Variants in PALM2AKAP2 observed in about 807,000 individuals in gnomAD.
PALM2AKAP2 encodes PALM2-AKAP2 fusion protein.
Under a neutral mutation model 71.5 loss-of-function variants are expected in PALM2AKAP2, and 37 were observed. The observed-to-expected ratio is 0.52, with a 90% CI of 0.40 to 0.68. The LOEUF is 0.68. PALM2AKAP2 is among the 30% of genes least tolerant of loss of function. The pLI is 0.00. For missense variants in PALM2AKAP2, 1,224 were observed against 1,191.8 expected (o/e 1.03, Z -0.40); for synonymous variants, 468 against 478.8 (o/e 0.98, Z 0.29).
intron 1 of PALM2AKAP2, among the ~76,000 whole-genome samples, chr9:109,711,855 CCATTTCTTT>C (rs1474800010): frequency 6.6e-6 from 1 of 152,210 alleles, no homozygotes; most frequent in Non-Finnish European, 1.5e-5. Flanking sequence ...CTGGGATCTT[CCATTTCTTT>C]CAGAGCAGGA....
At chr9:109,884,878 A>T (rs1392455818) in intron 3 of PALM2AKAP2, among the ~76,000 whole-genome samples, 1 of 152,246 alleles carries the variant, frequency 6.6e-6, no homozygotes, top group Non-Finnish European at 1.5e-5. Context: ...TAACCAAAGA[A>T]CAAGGAACAT....
chr9:109,861,503 T>C (rs996225523), intron 1 of PALM2AKAP2, among the ~76,000 whole-genome samples: 40 of 152,070 alleles, frequency 2.6e-4, no homozygotes, highest in African/African-American at 9.7e-4. Flanking sequence ...GCCAGGAAAA[T>C]ATATAATTTA....
Position 109,986,132 on chromosome 9 carries a change from A to G in PALM2AKAP2, c.497-29822A>G, listed in dbSNP as rs186439073. Among the ~76,000 whole-genome samples, 155 of 152,344 alleles carry G rather than the reference A, an allele frequency of 1.0e-3. 1 individual carries two copies. The highest frequency in any genetic ancestry group is 1.2e-3 in the Admixed American group (18 of 15,308). The stretch of plus-strand genomic sequence containing the variant: ...GGTTCAAGGTGCAAAGAAAGCTAAT[A>G]TCTAATAAAGCCTTGGTATAGTGTG... On this transcript the variant is annotated intron_variant, in intron 6 of 9. Coordinates refer to the PALM2AKAP2 transcript ENST00000302798.
intron 1 of PALM2AKAP2, among the ~76,000 whole-genome samples, chr9:109,861,215 G>A (rs1188247971): frequency 6.6e-6 from 1 of 152,090 alleles, no homozygotes; most frequent in Non-Finnish European, 1.5e-5. Flanking sequence ...CACTCAGTTG[G>A]GACACCCACC....
chr9:110,086,123 A>AT (rs71492872), intron 1 of PALM2AKAP2, among the ~76,000 whole-genome samples: 1 of 151,524 alleles, frequency 6.6e-6, no homozygotes, highest in Non-Finnish European at 1.5e-5. Context: ...AAAAAAAAAA[A>AT]GAAATAACTA....
chr9:109,992,192 C>G (rs74612555), intron 6 of PALM2AKAP2, among the ~76,000 whole-genome samples: 1 of 152,286 alleles, frequency 6.6e-6, no homozygotes, highest in Admixed American at 6.5e-5. Context: ...CTCCCCGAAG[C>G]ATTGCTTGGC....
intron 1 of PALM2AKAP2, among the ~76,000 whole-genome samples, chr9:110,102,112 C>G (rs1835013824): frequency 6.6e-6 from 1 of 152,194 alleles, no homozygotes; most frequent in African/African-American, 2.4e-5. Context: ...GGTGCAAAAC[C>G]AAGATTTGAA....
intron 6 of PALM2AKAP2, among the ~76,000 whole-genome samples, chr9:110,007,510 G>A (rs1394895153): frequency 6.6e-6 from 1 of 152,190 alleles, no homozygotes; most frequent in African/African-American, 2.4e-5. Context: ...TATTTAACAT[G>A]AGAAAAGGAG....
chr9:109,985,659 T>TC (rs1302517241), intron 6 of PALM2AKAP2, among the ~76,000 whole-genome samples: 16 of 150,254 alleles, frequency 1.1e-4, no homozygotes, highest in East Asian at 9.7e-4. Context: ...TTTCTTTCTT[T>TC]TTTTTTTTTT....
chr9:110,156,100 C>G (rs1290154658), intron 2 of PALM2AKAP2, among the ~76,000 whole-genome samples: 1 of 152,190 alleles, frequency 6.6e-6, no homozygotes, highest in Non-Finnish European at 1.5e-5. Flanking sequence ...ATCTAACTGA[C>G]TTTTTGGAAC....
At chr9:110,167,964 T>C (rs1373125410) in intron 3 of PALM2AKAP2, among the ~76,000 whole-genome samples, 1 of 152,234 alleles carries the variant, frequency 6.6e-6, no homozygotes, top group African/African-American at 2.4e-5. Flanking sequence ...TCAGCCACAC[T>C]AGCCCTATTT....
At chr9:109,960,714 G>A (rs1182793908) in intron 6 of PALM2AKAP2, among the ~76,000 whole-genome samples, 1 of 152,186 alleles carries the variant, frequency 6.6e-6, no homozygotes, top group East Asian at 1.9e-4. Context: ...AAAGGAAATT[G>A]TAGTTTTATT....
At chr9:109,870,119 T>C (rs1829567210) in intron 2 of PALM2AKAP2, among the ~76,000 whole-genome samples, 1 of 152,156 alleles carries the variant, frequency 6.6e-6, no homozygotes, top group African/African-American at 2.4e-5. Flanking sequence ...AGTGGTAAGG[T>C]GAGGAGGGTC....
At chr9:109,676,044 C>T (rs1280181340) in intron 1 of PALM2AKAP2, among the ~76,000 whole-genome samples, 1 of 152,082 alleles carries the variant, frequency 6.6e-6, no homozygotes, top group Admixed American at 6.5e-5. Flanking sequence ...CTATTGTTAC[C>T]TTCTAGAAGG....
intron 3 of PALM2AKAP2, among the ~76,000 whole-genome samples, chr9:109,913,861 A>T (rs182247472): frequency 0.012 from 1,813 of 145,604 alleles, 19 homozygotes; most frequent in Non-Finnish European, 0.017. Context: ...GGTTCATGCC[A>T]TTCTCCTGCC....
chr9:109,898,297 T>A (rs1830250969), intron 3 of PALM2AKAP2, among the ~76,000 whole-genome samples: 1 of 152,236 alleles, frequency 6.6e-6, no homozygotes, highest in Admixed American at 6.5e-5. Context: ...CAAATAAGAC[T>A]TCACCTGTGC....
intron 1 of PALM2AKAP2, among the ~76,000 whole-genome samples, chr9:109,738,307 G>A (rs1021668955): frequency 2.0e-5 from 3 of 152,176 alleles, no homozygotes; most frequent in South Asian, 2.1e-4. Flanking sequence ...TTGGAGAAAC[G>A]ACAGCTGCCA....
chr9:109,928,910 G>T (rs1187171991), intron 5 of PALM2AKAP2, among the ~76,000 whole-genome samples: 1 of 151,984 alleles, frequency 6.6e-6, no homozygotes, highest in Non-Finnish European at 1.5e-5. Flanking sequence ...CAAGTGATCT[G>T]CCTGCCTCAG....
intron 1 of PALM2AKAP2, among the ~76,000 whole-genome samples, chr9:109,849,438 G>T (rs1043837468): frequency 1.3e-5 from 2 of 152,094 alleles, no homozygotes; most frequent in Non-Finnish European, 2.9e-5. Flanking sequence ...AAGTTGGTTT[G>T]CTTTCACATG....
Sources: allele counts gnomAD v4.1 joint callset (sites outside exome capture counted in the v4.1 genomes callset), GRCh38; gene constraint gnomAD v4.1.1; transcripts MANE v1.5; gene names NCBI Gene and HGNC (gene_info 2026-07-23, HGNC 2026-07-21).